Variants in DLGAP3 observed in about 807,000 individuals in gnomAD.
DLGAP3 encodes disks large-associated protein 3.
In DLGAP3, 17 loss-of-function variants were observed where a neutral mutation model predicts 81.2. The ratio of observed to expected loss-of-function variants is 0.21; its 90% CI spans 0.14 to 0.31. The LOEUF is 0.31. Ranked by LOEUF, DLGAP3 falls within the 10% of genes least tolerant of loss-of-function variation. The pLI is 1.00. For missense variants in DLGAP3, 1,124 were observed against 1,388.0 expected (o/e 0.81, Z 3.02); for synonymous variants, 577 against 587.4 (o/e 0.98, Z 0.26).
chr1:34,867,062 G>T lies in DLGAP3; in HGVS notation c.2707C>A (p.Leu903Ile), dbSNP rs756259593. The T allele has an allele frequency of 1.2e-6, 2 of 1,614,098 alleles. No individual in the cohort carries two copies. The highest frequency in any genetic ancestry group is 2.2e-5 in the South Asian group (2 of 91,082). Reference sequence around the variant, plus strand: ...CCCAGCCCCACCTTAGGCTCCAGGAGTTTCCAGCTGTTGGCCTTGAGTTGC... The same window carrying T: ...CCCAGCCCCACCTTAGGCTCCAGGATTTTCCAGCTGTTGGCCTTGAGTTGC... The part of the protein sequence containing the change: ...LQQLKANSWK[L>I]LEPKEEKKVP... Residue 903 changes from leucine (L) to isoleucine (I), a missense_variant, in exon 11 of 12, where the codon CTC becomes ATC. Around this residue, in one of 9 missense-constraint regions of DLGAP3, gnomAD observed 133 missense variants for 171.1 expected, o/e 0.78. Transcript: ENST00000373347. This position sits in a 1 kb window ranked among gnomAD's most constrained non-coding sequence, Gnocchi z 4.3.
chr1:34,876,485 T>C (rs1407442873), intron 8 of DLGAP3, among the ~76,000 whole-genome samples: 1 of 152,180 alleles, frequency 6.6e-6, no homozygotes, highest in Non-Finnish European at 1.5e-5. Flanking sequence ...GCCTGAATGC[T>C]GGCCAGGCGA....
intron 5 of DLGAP3, among the ~76,000 whole-genome samples, chr1:34,898,673 A>G (rs1486233463): frequency 2.6e-5 from 4 of 152,224 alleles, no homozygotes. Flanking sequence ...GCCTATTTTT[A>G]AAAAGGGAAA....
chr1:34,899,993 A>G (rs1639430430), intron 4 of DLGAP3, 75 bp downstream of exon 4: 2 of 1,325,418 alleles, frequency 1.5e-6, no homozygotes, highest in East Asian at 4.9e-5. Context: ...ACTGGCACCC[A>G]CTCTACACAC....
At chr1:34,920,740 A>G (rs1488952447) in intron 1 of DLGAP3, among the ~76,000 whole-genome samples, 3 of 152,182 alleles carry the variant, frequency 2.0e-5, no homozygotes, top group Non-Finnish European at 4.4e-5. Flanking sequence ...TTCAACAAAT[A>G]TGTATCGACT....
chr1:34,867,456 T>A lies in DLGAP3; in HGVS notation c.2577+80A>T. 7.7e-7 allele frequency: 1 copy of A among 1,300,866 alleles called. No homozygotes were observed. The highest frequency in any genetic ancestry group is 2.3e-5 in the East Asian group (1 of 43,496). 80.6% of individuals were successfully genotyped at this position (1,300,866 alleles called of 1,614,324 possible). ...ACCTCTGGTACACACTCACTCTGGG[T>A]CACCTGCCTGTCTCACCTCCAGCAC... On this transcript the variant is annotated intron_variant, in intron 10 of 11. Coordinates refer to ENST00000373347, the MANE Select transcript of DLGAP3 (RefSeq NM_001080418.3). The surrounding 1 kb of genome is among the most constrained non-coding windows in gnomAD (Gnocchi z 4.3).
At chr1:34,916,741 G>T (rs925889345) in intron 1 of DLGAP3, among the ~76,000 whole-genome samples, 3 of 151,466 alleles carry the variant, frequency 2.0e-5, no homozygotes, top group South Asian at 2.1e-4. Context: ...CTGTCGCCAG[G>T]CTGGAGTGCA....
rs1639204537 is a variant in DLGAP3, at chr1:34,885,388, TCGATATATCCAGAAGG to T, written c.1914+74_1914+89del. 3.6e-6 allele frequency: 5 copies of T among 1,389,364 alleles called. No individual in the cohort carries two copies. In the South Asian group the frequency reaches 6.1e-5, roughly 17 times the overall value. 86.1% of individuals were successfully genotyped at this position (1,389,364 alleles called of 1,614,324 possible). A position where few individuals can be genotyped will look rare whatever the true frequency, so the allele number is the denominator to read the frequency against. On this transcript the variant is annotated intron_variant, in intron 7 of 11. Transcript: ENST00000373347. Reference sequence around the variant, plus strand: ...AGCTCAGGGCAAGCCAGAAAGAATGTCGATATATCCAGAAGGCCGCTTCCAGCCCCTCACCCCAGCC... The same window carrying T: ...AGCTCAGGGCAAGCCAGAAAGAATGTCCGCTTCCAGCCCCTCACCCCAGCC...
intron 5 of DLGAP3, among the ~76,000 whole-genome samples, chr1:34,888,978 C>G (rs778269684): frequency 6.6e-6 from 1 of 152,188 alleles, no homozygotes; most frequent in African/African-American, 2.4e-5. Flanking sequence ...GGTCTCGAGT[C>G]CAGACACCAG....
At chr1:34,890,743 C>T (rs1639298183) in intron 5 of DLGAP3, among the ~76,000 whole-genome samples, 1 of 152,318 alleles carries the variant, frequency 6.6e-6, no homozygotes, top group East Asian at 1.9e-4. Context: ...TGAGATGCTG[C>T]AGCCTTGGCC....
chr1:34,912,957 C>T (rs902183085), intron 1 of DLGAP3, among the ~76,000 whole-genome samples: 3 of 152,180 alleles, frequency 2.0e-5, no homozygotes, highest in Non-Finnish European at 4.4e-5. Context: ...CTGGCTTTGC[C>T]CAGATGCCTG....
In DLGAP3 at chr1:34,870,891, C is replaced by T. The variant is rs138973511; in HGVS notation, c.2001-1802G>A. On this transcript the variant is annotated intron_variant, in intron 8 of 11. Transcript: ENST00000373347. Reference sequence around the variant, plus strand: ...TTTCTCACTGTGTGCCTTTGTCACTCACCCTCCATCTAGGTCATCCAATGT... The same window carrying T: ...TTTCTCACTGTGTGCCTTTGTCACTTACCCTCCATCTAGGTCATCCAATGT... Among the ~76,000 whole-genome samples, 879 of 152,316 alleles carry T rather than the reference C, an allele frequency of 5.8e-3. 3 individuals are homozygous for T. The highest frequency in any genetic ancestry group is 9.6e-3 in the Non-Finnish European group (654 of 68,034).
chr1:34,906,949 G>A (rs1017974494), intron 2 of DLGAP3, among the ~76,000 whole-genome samples: 8 of 152,068 alleles, frequency 5.3e-5, no homozygotes, highest in African/African-American at 1.2e-4. Context: ...GCTGGCAGAC[G>A]GTGCCCTCCC....
At position 34,895,759 on chromosome 1, in the gene DLGAP3, G is replaced by T. The variant is rs1031373759; in HGVS notation, c.1386+3910C>A. Among the ~76,000 whole-genome samples, 5 of 152,102 alleles carry T rather than the reference G, an allele frequency of 3.3e-5. No homozygotes were observed. Among genetic ancestry groups the T allele is most frequent in the Non-Finnish European group, 5.9e-5 (4 of 68,026 alleles). On this transcript the variant is annotated intron_variant, in intron 5 of 11. Transcript: ENST00000373347. This position sits in a 1 kb window ranked among gnomAD's most constrained non-coding sequence, Gnocchi z 4.5. ...GCAGACCAATGGAATAAATTTTAAG[G>T]TTCATTAATAAACACATGCATTTAT...
intron 1 of DLGAP3, among the ~76,000 whole-genome samples, chr1:34,924,937 C>T (rs906469169): frequency 2.9e-4 from 44 of 152,314 alleles, no homozygotes; most frequent in Admixed American, 2.9e-3. Flanking sequence ...CACTGCCCTC[C>T]GCCTTTCCAC....
intron 1 of DLGAP3, among the ~76,000 whole-genome samples, chr1:34,925,191 C>A (rs573617537): frequency 2.0e-5 from 3 of 151,996 alleles, no homozygotes; most frequent in Non-Finnish European, 2.9e-5. Flanking sequence ...CAACCCCCCC[C>A]CCACCTTCCC....
At position 34,900,056 on chromosome 1, in the gene DLGAP3, C is replaced by T. The variant is rs1164467553; in HGVS notation, c.1313+12G>A. ...TCCTGACCCCGCACCCCCCGGCCCT[C>T]CCTGTCCTTACTTGATCCTGGCCTG... On this transcript the variant is annotated intron_variant, in intron 4 of 11. Coordinates refer to ENST00000373347, the MANE Select transcript of DLGAP3 (RefSeq NM_001080418.3). This position sits in a 1 kb window ranked among gnomAD's most constrained non-coding sequence, Gnocchi z 5.6. 2 of 1,611,314 alleles carry T rather than the reference C, an allele frequency of 1.2e-6. No individual in the cohort carries two copies. Among genetic ancestry groups the T allele is most frequent in the African/African-American group, 2.7e-5 (2 of 74,910 alleles).
At chr1:34,920,048 G>T (rs1028451772) in intron 1 of DLGAP3, among the ~76,000 whole-genome samples, 5 of 152,142 alleles carry the variant, frequency 3.3e-5, no homozygotes, top group Non-Finnish European at 7.3e-5. Context: ...TAAGTATGCT[G>T]TCCCACCCCC....
rs1168244241 is a variant in DLGAP3, at chr1:34,929,506, G to A, written c.-190C>T. 1.3e-5 allele frequency: 2 copies of A among 148,882 alleles called. No homozygotes were observed. Among genetic ancestry groups the A allele is most frequent in the African/African-American group, 4.9e-5 (2 of 41,100 alleles). The allele number at this position is 148,882 out of a possible 1,614,324, so 9.2% of individuals were successfully genotyped here. ...ATGGTGCCGGCGGCCCGGGCCGGGG[G>A]CGCTGCGGCGTTGGGCAGGCGGGCA... On this transcript the variant is annotated 5_prime_UTR_variant, in exon 1 of 12. Transcript: ENST00000373347. This position sits in a 1 kb window ranked among gnomAD's most constrained non-coding sequence, Gnocchi z 6.5.
At chr1:34,874,125 G>A (rs1639016907) in intron 8 of DLGAP3, among the ~76,000 whole-genome samples, 1 of 152,148 alleles carries the variant, frequency 6.6e-6, no homozygotes, top group Admixed American at 6.5e-5. Context: ...CCAGAATGCA[G>A]ACATGATGGC....
Sources: gnomAD v4.1 joint callset for allele counts (sites outside exome capture counted in the v4.1 genomes callset) on GRCh38, gnomAD v4.1.1 for gene constraint, gnomAD v4.1.1 regional missense constraint, Gnocchi (gnomAD v3.1) non-coding constraint, MANE v1.5 for transcripts, NCBI Gene and HGNC (gene_info 2026-07-23, HGNC 2026-07-21) for gene names.